The following ST18 variants were observed in gnomAD, a reference collection of about 807,000 sequenced individuals.
ST18 encodes the protein ST18 C2H2C-type zinc finger transcription factor, also known as suppression of tumorigenicity 18 protein.
A neutral mutation model predicts 110.0 loss-of-function variants in ST18; 50 were observed. The observed-to-expected ratio is 0.45, with a 90% confidence interval of 0.36 to 0.58. The LOEUF (loss-of-function observed/expected upper bound fraction) is 0.58, where lower values mean the gene tolerates loss of function less well. Among genes scored for constraint, ST18 ranks in the 20% least tolerant of loss-of-function variants. The pLI, the probability that ST18 is intolerant of heterozygous loss-of-function variation, is 0.00. For synonymous variants in ST18, 461 were observed against 452.4 expected (o/e 1.02, Z -0.24); for missense variants, 1,306 against 1,280.1 (o/e 1.02, Z -0.31).
intron 2 of ST18, among the ~76,000 whole-genome samples, chr8:52,321,664 CAA>C (rs2139910772): frequency 6.6e-6 from 1 of 152,292 alleles, no homozygotes; most frequent in South Asian, 2.1e-4. Context: ...GATGCTAATA[CAA>C]TCACCAACTA....
chr8:52,125,082 C>T (rs1050120478), intron 23 of ST18, among the ~76,000 whole-genome samples: 2 of 152,132 alleles, frequency 1.3e-5, no homozygotes, highest in Admixed American at 6.6e-5. Flanking sequence ...GAAAACAACA[C>T]AGGCCCCAGA....
intron 22 of ST18, 119 bp downstream of exon 22, chr8:52,131,839 G>A (rs990032904): frequency 1.8e-5 from 14 of 784,678 alleles, no homozygotes; most frequent in Non-Finnish European, 2.9e-5. Context: ...TTCATGTTAT[G>A]ACATCTCAAC....
At chr8:52,300,135 C>A (rs567907133) in intron 2 of ST18, among the ~76,000 whole-genome samples, 3 of 152,264 alleles carry the variant, frequency 2.0e-5, no homozygotes, top group Middle Eastern at 3.4e-3. Flanking sequence ...CACAAATAAT[C>A]CAGCTTTTTT....
chr8:52,172,189 T>C lies in ST18; in HGVS notation c.672A>G (p.Thr224=). 6.2e-7 allele frequency: 1 copy of C among 1,614,230 alleles called. No individual in the cohort carries two copies. ...KPPRVPKYVL[T]DHKKDLLEVP... is the part of the protein sequence containing the mutation. ...CTTCCAATAGGTCTTTTTTATGATC[T>C]GTTAAAACATACTTTGGGACTCTAG... is the stretch of plus-strand genomic sequence containing the variant. The change falls in exon 10 of 26, where the codon ACA becomes ACG. Residue 224 remains threonine (T), a synonymous_variant. Coordinates refer to ENST00000689386, the MANE Select transcript of ST18 (RefSeq NM_001352837.2).
chr8:52,272,721 G>T (rs2095116284), intron 2 of ST18, among the ~76,000 whole-genome samples: 1 of 152,144 alleles, frequency 6.6e-6, no homozygotes, highest in Admixed American at 6.6e-5. Flanking sequence ...CATCTTCTGG[G>T]TATATATCCA....
At chr8:52,227,190 A>T (rs186030365) in intron 3 of ST18, among the ~76,000 whole-genome samples, 3,761 of 152,266 alleles carry the variant, frequency 0.025, 69 homozygotes, top group Non-Finnish European at 0.039. Context: ...AAAGATTTTT[A>T]AAAAATACAC....
chr8:52,196,818 T>G (rs186413496), intron 8 of ST18, among the ~76,000 whole-genome samples: 31 of 152,258 alleles, frequency 2.0e-4, no homozygotes, highest in Admixed American at 2.6e-4. Context: ...GGAAGCCAAC[T>G]GTCACTCATG....
intron 2 of ST18, among the ~76,000 whole-genome samples, chr8:52,234,748 TG>T (rs2092346059): frequency 1.3e-5 from 2 of 152,058 alleles, no homozygotes; most frequent in South Asian, 2.1e-4. Context: ...TGTGTGTGTG[TG>T]TGTGTGTGTG....
intron 7 of ST18, among the ~76,000 whole-genome samples, chr8:52,212,856 C>A (rs759987738): frequency 1.3e-4 from 20 of 152,156 alleles, no homozygotes; most frequent in Non-Finnish European, 2.5e-4. Flanking sequence ...AAAGGAATTG[C>A]AAATTTAAAA....
intron 2 of ST18, among the ~76,000 whole-genome samples, chr8:52,362,464 T>C (rs1183969124): frequency 6.6e-6 from 1 of 152,222 alleles, no homozygotes; most frequent in Non-Finnish European, 1.5e-5. Flanking sequence ...ATTTATCTTC[T>C]CTTTGCCTAG....
At chr8:52,293,263 GT>G (rs1488435076) in intron 2 of ST18, among the ~76,000 whole-genome samples, 3 of 152,246 alleles carry the variant, frequency 2.0e-5, no homozygotes, top group African/African-American at 7.2e-5. Context: ...TGGCTGCTCT[GT>G]TTTGCAGGGC....
At chr8:52,329,354 T>TGCAGGCTTCATGGAG (rs1808071849) in intron 2 of ST18, among the ~76,000 whole-genome samples, 1 of 151,488 alleles carries the variant, frequency 6.6e-6, no homozygotes, top group Non-Finnish European at 1.5e-5. Flanking sequence ...TTCCTGTGAG[T>TGCAGGCTTCATGGAG]GCAGGCTTCA....
At chr8:52,278,836 C>T (rs2095323131) in intron 2 of ST18, among the ~76,000 whole-genome samples, 1 of 152,164 alleles carries the variant, frequency 6.6e-6, no homozygotes, top group Admixed American at 6.5e-5. Context: ...TAGAATTCTC[C>T]TACTGTTGTG....
At chr8:52,302,511 G>T (rs1031558776) in intron 2 of ST18, among the ~76,000 whole-genome samples, 1 of 152,140 alleles carries the variant, frequency 6.6e-6, no homozygotes, top group Non-Finnish European at 1.5e-5. Context: ...CACAGCAGTG[G>T]GCACACCAAG....
intron 6 of ST18, among the ~76,000 whole-genome samples, chr8:52,214,812 T>C (rs1382908510): frequency 6.6e-6 from 1 of 152,174 alleles, no homozygotes; most frequent in Non-Finnish European, 1.5e-5. Context: ...TCAGAATAAA[T>C]ACCAGTTATA....
chr8:52,114,365 G>A (rs2041733551), intron 25 of ST18, among the ~76,000 whole-genome samples: 1 of 152,126 alleles, frequency 6.6e-6, no homozygotes, highest in African/African-American at 2.4e-5. Flanking sequence ...ACACAAATGT[G>A]AAACGGAATG....
At chr8:52,189,646 C>G (rs761011787) in intron 8 of ST18, among the ~76,000 whole-genome samples, 7 of 152,130 alleles carry the variant, frequency 4.6e-5, no homozygotes, top group Admixed American at 2.6e-4. Context: ...GACCTATGGT[C>G]GTTTACTTGG....
intron 2 of ST18, among the ~76,000 whole-genome samples, chr8:52,262,357 G>T (rs2094721510): frequency 6.6e-6 from 1 of 152,196 alleles, no homozygotes; most frequent in Non-Finnish European, 1.5e-5. Flanking sequence ...TTAGGTGTGG[G>T]TCTGTGCCAA....
intron 2 of ST18, among the ~76,000 whole-genome samples, chr8:52,357,604 A>G (rs1823338300): frequency 6.8e-6 from 1 of 147,104 alleles, no homozygotes; most frequent in African/African-American, 2.5e-5. Flanking sequence ...TTTATCAACA[A>G]AAAGTTCAAT....
Sources: allele counts gnomAD v4.1 joint callset (sites outside exome capture counted in the v4.1 genomes callset), GRCh38; gene constraint gnomAD v4.1.1; transcripts MANE v1.5; gene names NCBI Gene and HGNC (gene_info 2026-07-23, HGNC 2026-07-21).